Variants in RALGAPA2 observed in about 807,000 individuals in gnomAD.
The protein encoded by RALGAPA2 is Ral GTPase activating protein catalytic subunit alpha 2.
A neutral mutation model predicts 230.4 loss-of-function variants in RALGAPA2; 139 were observed. The ratio of observed to expected loss-of-function variants is 0.60; its 90% confidence interval spans 0.53 to 0.69. The LOEUF is 0.69. Ranked by LOEUF, RALGAPA2 falls within the 30% of genes least tolerant of loss-of-function variation. RALGAPA2 has a pLI of 0.00. For missense variants in RALGAPA2, 2,163 were observed against 2,276.0 expected, an observed-to-expected ratio of 0.95 and a Z score of 1.01; for synonymous variants, 847 against 837.8, an observed-to-expected ratio of 1.01 and a Z score of -0.19.
chr20:20,631,876 T>C (rs1431622265), intron 9 of RALGAPA2, among the ~76,000 whole-genome samples: 4 of 152,084 alleles, frequency 2.6e-5, no homozygotes, highest in Non-Finnish European at 5.9e-5. Flanking sequence ...CAGCACTCTT[T>C]CTCCCTCCCT....
At chr20:20,575,833 C>G (rs1024285531) in intron 20 of RALGAPA2, among the ~76,000 whole-genome samples, 6 of 152,262 alleles carry the variant, frequency 3.9e-5, no homozygotes, top group African/African-American at 1.4e-4. Context: ...TTGGTTGCTA[C>G]TGTCTTTCTC....
chr20:20,403,616 C>T (rs1418743562), intron 38 of RALGAPA2, among the ~76,000 whole-genome samples: 1 of 152,130 alleles, frequency 6.6e-6, no homozygotes, highest in African/African-American at 2.4e-5. Flanking sequence ...TCCGGAGCGC[C>T]CAGCCTCACG....
chr20:20,459,735 A>G (rs998956524), intron 37 of RALGAPA2, among the ~76,000 whole-genome samples: 6 of 152,204 alleles, frequency 3.9e-5, no homozygotes, highest in Non-Finnish European at 8.8e-5. Context: ...AAATTAACAA[A>G]GTTATGACAT....
chr20:20,407,651 T>C (rs2059974256), intron 38 of RALGAPA2, among the ~76,000 whole-genome samples: 2 of 152,240 alleles, frequency 1.3e-5, no homozygotes, highest in Admixed American at 1.3e-4. Context: ...GAAGATTTTA[T>C]TGGCCACCAA....
At chr20:20,415,614 T>G (rs1210788016) in intron 37 of RALGAPA2, among the ~76,000 whole-genome samples, 1 of 152,190 alleles carries the variant, frequency 6.6e-6, no homozygotes, top group African/African-American at 2.4e-5. Context: ...AGAATTTTGA[T>G]TAAGAGACAG....
intron 24 of RALGAPA2, among the ~76,000 whole-genome samples, chr20:20,537,873 A>G (rs2063539313): frequency 6.6e-6 from 1 of 152,214 alleles, no homozygotes; most frequent in Non-Finnish European, 1.5e-5. Context: ...CCCAATGAAG[A>G]AGAGGCTACT....
At chr20:20,665,351 T>C (rs1236266401) in intron 3 of RALGAPA2, among the ~76,000 whole-genome samples, 1 of 152,216 alleles carries the variant, frequency 6.6e-6, no homozygotes, top group South Asian at 2.1e-4. Context: ...TGGCACACTA[T>C]GTGAAAGAGG....
chr20:20,497,238 G>A (rs1170087591), intron 35 of RALGAPA2, among the ~76,000 whole-genome samples: 1 of 152,036 alleles, frequency 6.6e-6, no homozygotes, highest in Non-Finnish European at 1.5e-5. Flanking sequence ...AATAAAACAT[G>A]CAAAGACATT....
intron 38 of RALGAPA2, among the ~76,000 whole-genome samples, chr20:20,409,554 G>A (rs1464630252): frequency 6.6e-6 from 1 of 152,158 alleles, no homozygotes; most frequent in Non-Finnish European, 1.5e-5. Context: ...TTTCCAGTTG[G>A]CTTGTTGCTT....
chr20:20,435,835 C>T (rs2060600190), intron 37 of RALGAPA2, among the ~76,000 whole-genome samples: 1 of 152,140 alleles, frequency 6.6e-6, no homozygotes, highest in South Asian at 2.1e-4. Flanking sequence ...AGATCTATGG[C>T]CTTTCAGGGA....
chr20:20,581,872 T>TAA (rs1317186174), intron 20 of RALGAPA2, among the ~76,000 whole-genome samples: 2 of 152,198 alleles, frequency 1.3e-5, no homozygotes, highest in Non-Finnish European at 2.9e-5. Context: ...GCCTTTATGT[T>TAA]AATCATTTTA....
chr20:20,402,103 G>A (rs1473762272), intron 38 of RALGAPA2, among the ~76,000 whole-genome samples: 1 of 152,230 alleles, frequency 6.6e-6, no homozygotes, highest in East Asian at 1.9e-4. Flanking sequence ...AATGAGTCCT[G>A]TCTGAGAATG....
At chr20:20,483,785 A>G (rs1355248525) in intron 36 of RALGAPA2, among the ~76,000 whole-genome samples, 1 of 152,204 alleles carries the variant, frequency 6.6e-6, no homozygotes, top group Non-Finnish European at 1.5e-5. Context: ...TCAGACAATC[A>G]AGAAGTTCTA....
chr20:20,429,166 A>G (rs1256274673), intron 37 of RALGAPA2, among the ~76,000 whole-genome samples: 5 of 152,202 alleles, frequency 3.3e-5, no homozygotes, highest in Admixed American at 6.5e-5. Flanking sequence ...ACAGGCAACA[A>G]AAGTGATGCT....
chr20:20,539,770 C>A lies in RALGAPA2; in HGVS notation c.3286-2986G>T, dbSNP rs1302748519. 2.0e-5 allele frequency among the ~76,000 whole-genome samples: 3 copies of A among 152,182 alleles called. No individual in the cohort carries two copies. The East Asian group carries it at 5.8e-4, about 29-fold the overall frequency. ...CTGACAAACATCATCCCATCTCCCC[C>A]TACCCCAACCACAGCCCCTGGGAAC... On this transcript the variant is annotated intron_variant, in intron 24 of 39. Coordinates refer to ENST00000202677, the MANE Select transcript of RALGAPA2 (RefSeq NM_020343.4).
At chr20:20,704,085 C>T (rs1239915199) in intron 1 of RALGAPA2, among the ~76,000 whole-genome samples, 2 of 152,234 alleles carry the variant, frequency 1.3e-5, no homozygotes, top group East Asian at 3.9e-4. Flanking sequence ...AGTAAGAAAA[C>T]TGGCTCAGCA....
Position 20,391,199 on chromosome 20 carries a change from AACAGGAG to A in RALGAPA2, c.*2083_*2089del. ...TGGCCTTCCCAACAGGAGTGAGGTA[AACAGGAG>A]ACAGGAGCAGCTCAACAGCAGGATC... is the stretch of plus-strand genomic sequence containing the variant. On this transcript the variant is annotated 3_prime_UTR_variant, in exon 40 of 40. Transcript: ENST00000202677. 1 of 152,424 alleles carries A rather than the reference AACAGGAG, an allele frequency of 6.6e-6. No homozygotes were observed. Among genetic ancestry groups the A allele is most frequent in the African/African-American group, 2.4e-5 (1 of 41,576 alleles). 9.4% of individuals were successfully genotyped at this position (152,424 alleles called of 1,614,324 possible). A position where few individuals can be genotyped will look rare whatever the true frequency, so the allele number is the denominator to read the frequency against.
At chr20:20,403,807 G>A (rs1327929131) in intron 38 of RALGAPA2, among the ~76,000 whole-genome samples, 1 of 152,210 alleles carries the variant, frequency 6.6e-6, no homozygotes, top group South Asian at 2.1e-4. Flanking sequence ...AGCAGCACTG[G>A]CAAGGCAAGG....
intron 31 of RALGAPA2, among the ~76,000 whole-genome samples, chr20:20,515,666 C>G (rs1027426483): frequency 1.3e-5 from 2 of 152,228 alleles, no homozygotes; most frequent in African/African-American, 4.8e-5. Context: ...GCCTTGCAGG[C>G]ATTCTCAGTC....
Sources: allele counts gnomAD v4.1 joint callset (sites outside exome capture counted in the v4.1 genomes callset), GRCh38; gene constraint gnomAD v4.1.1; transcripts MANE v1.5; gene names NCBI Gene and HGNC (gene_info 2026-07-23, HGNC 2026-07-21).